The following PHF24 variants were observed in gnomAD, a reference collection of about 807,000 sequenced individuals.
PHF24 encodes Galpha inhibitory interacting protein.
A neutral mutation model predicts 42.6 loss-of-function variants in PHF24; 25 were observed. That is an observed-to-expected ratio of 0.59 (90% CI 0.43 to 0.82). PHF24 has a LOEUF of 0.82. Ranked by LOEUF, PHF24 falls within the 40% of genes least tolerant of loss-of-function variation. The pLI, the probability that PHF24 is intolerant of heterozygous loss-of-function variation, is 0.00. For synonymous variants in PHF24, 185 were observed against 204.8 expected (o/e 0.90, Z 0.83); for missense variants, 470 against 538.1 (o/e 0.87, Z 1.25).
chr9:34,898,981 C>A, the PHF24 span, among the ~76,000 whole-genome samples: 4 of 152,248 alleles, frequency 2.6e-5, no homozygotes, highest in African/African-American at 9.6e-5. Context: ...AAAATGGTCT[C>A]ATGCCTTTTT....
the PHF24 span, among the ~76,000 whole-genome samples, chr9:34,901,546 A>C: frequency 6.6e-6 from 1 of 152,238 alleles, no homozygotes. Context: ...AGACATTTCA[A>C]CTACTTGAAG....
the PHF24 span, among the ~76,000 whole-genome samples, chr9:34,757,785 G>A: frequency 6.6e-6 from 1 of 152,274 alleles, no homozygotes; most frequent in South Asian, 2.1e-4. Flanking sequence ...CTCCTTTGCT[G>A]GGGGTAGACT....
chr9:34,857,792 T>A, the PHF24 span, among the ~76,000 whole-genome samples: 1 of 152,212 alleles, frequency 6.6e-6, no homozygotes, highest in African/African-American at 2.4e-5. Context: ...ATTCTTTGAG[T>A]TCATATGTTC....
chr9:34,800,782 C>T, the PHF24 span, among the ~76,000 whole-genome samples: 1 of 152,112 alleles, frequency 6.6e-6, no homozygotes, highest in African/African-American at 2.4e-5. Flanking sequence ...ACTAAAACAC[C>T]AAAAGCAATT....
the PHF24 span, among the ~76,000 whole-genome samples, chr9:34,906,085 CAG>C: frequency 6.6e-6 from 1 of 151,642 alleles, no homozygotes; most frequent in African/African-American, 2.4e-5. Flanking sequence ...AGGGGAGAAA[CAG>C]GGAGGGGGGA....
At chr9:34,917,666 A>C in the PHF24 span, 1 of 780,232 alleles carries the variant, frequency 1.3e-6, no homozygotes, top group Non-Finnish European at 2.4e-6. Context: ...ATATTACTGC[A>C]GTGTGGGAGC....
chr9:34,673,497 G>A, the PHF24 span, among the ~76,000 whole-genome samples: 2 of 151,786 alleles, frequency 1.3e-5, no homozygotes, highest in Non-Finnish European at 2.9e-5. Flanking sequence ...TTAAGATGGA[G>A]CCTCGCTCTG....
chr9:34,874,570 T>C, the PHF24 span, among the ~76,000 whole-genome samples: 1 of 152,168 alleles, frequency 6.6e-6, no homozygotes, highest in Non-Finnish European at 1.5e-5. Context: ...TGTTATAGCA[T>C]GAGTATATCA....
At chr9:34,845,260 GT>G in the PHF24 span, among the ~76,000 whole-genome samples, 447 of 152,166 alleles carry the variant, frequency 2.9e-3, 2 homozygotes, top group African/African-American at 9.3e-3. Context: ...GTTGGGTCTT[GT>G]TTTTTTACTC....
the PHF24 span, among the ~76,000 whole-genome samples, chr9:34,740,499 C>G: frequency 1.4e-4 from 22 of 152,218 alleles, no homozygotes; most frequent in African/African-American, 4.8e-4. Flanking sequence ...CCTCATTGCC[C>G]GGGGCCGGCA....
the PHF24 span, among the ~76,000 whole-genome samples, chr9:34,753,079 T>C: frequency 7.5e-4 from 114 of 152,260 alleles, 2 homozygotes; most frequent in South Asian, 1.2e-3. Flanking sequence ...AGTATCATAC[T>C]GAATGGGGAA....
the PHF24 span, chr9:34,726,844 T>G: frequency 3.2e-6 from 5 of 1,551,782 alleles, no homozygotes; most frequent in Non-Finnish European, 4.4e-6. Context: ...AGCCCTGCAA[T>G]GGCCCCGATA....
the PHF24 span, among the ~76,000 whole-genome samples, chr9:34,842,830 C>A: frequency 6.6e-6 from 1 of 152,186 alleles, no homozygotes; most frequent in Non-Finnish European, 1.5e-5. Context: ...TGTACTATTT[C>A]CATTCCTGCC....
chr9:34,702,571 C>A, the PHF24 span, among the ~76,000 whole-genome samples: 1 of 152,204 alleles, frequency 6.6e-6, no homozygotes, highest in Non-Finnish European at 1.5e-5. Flanking sequence ...GAGCTTTCAG[C>A]TTCTTGACAT....
the PHF24 span, among the ~76,000 whole-genome samples, chr9:34,892,464 CT>C: frequency 6.6e-6 from 1 of 152,212 alleles, no homozygotes; most frequent in Non-Finnish European, 1.5e-5. Flanking sequence ...TACAGAACTC[CT>C]CCACAGATCT....
chr9:34,689,511 G>C, the PHF24 span: 1 of 323,170 alleles, frequency 3.1e-6, no homozygotes, highest in Non-Finnish European at 5.6e-6. This position sits in a 1 kb window ranked among gnomAD's most constrained non-coding sequence, Gnocchi z 4.1. Flanking sequence ...TTTTTTTAAG[G>C]CTAGTTAAGC....
chr9:34,918,192 C>A, the PHF24 span: 2 of 1,453,154 alleles, frequency 1.4e-6, no homozygotes, highest in South Asian at 2.3e-5. Flanking sequence ...CTTTGAAGAC[C>A]ATCACCCCTC....
At chr9:34,922,995 G>T in the PHF24 span, 2 of 877,238 alleles carry the variant, frequency 2.3e-6, no homozygotes, top group African/African-American at 3.5e-5. Context: ...GGGTGCTGCT[G>T]GGCCGGGCCT....
the PHF24 span, chr9:34,922,221 C>T: frequency 6.3e-7 from 1 of 1,591,826 alleles, no homozygotes; most frequent in Non-Finnish European, 8.6e-7. Flanking sequence ...AGCTTTGTCT[C>T]CTCGGGTATC....
Sources: allele counts gnomAD v4.1 joint callset (sites outside exome capture counted in the v4.1 genomes callset), GRCh38; gene constraint gnomAD v4.1.1; non-coding constraint Gnocchi (gnomAD v3.1); transcripts MANE v1.5; gene names NCBI Gene and HGNC (gene_info 2026-07-23, HGNC 2026-07-21).